The following CCL28 variants were observed in gnomAD, a reference collection of about 807,000 sequenced individuals.
The protein encoded by CCL28 is C-C motif chemokine 28.
In CCL28, 4 loss-of-function variants were observed where a neutral mutation model predicts 7.1. That is an observed-to-expected ratio of 0.56 (90% CI 0.28 to 1.29). CCL28 has a LOEUF of 1.29. Among genes scored for constraint, CCL28 ranks in the 50% most tolerant of loss-of-function variants. The probability of loss-of-function intolerance (pLI) is 0.11; values close to 1 mark genes in which losing one functional copy is unlikely to be tolerated. For synonymous variants in CCL28, 55 were observed against 57.8 expected, an observed-to-expected ratio of 0.95 and a Z score of 0.22; for missense variants, 151 against 163.4, an observed-to-expected ratio of 0.92 and a Z score of 0.41.
intron 1 of CCL28, among the ~76,000 whole-genome samples, chr5:43,408,496 G>A (rs150351806): frequency 1.3e-5 from 2 of 152,298 alleles, no homozygotes; most frequent in African/African-American, 4.8e-5. Flanking sequence ...TCGTAAGGTG[G>A]GGGGAGCGGG....
At chr5:43,398,775 G>A (rs528028143) in intron 1 of CCL28, among the ~76,000 whole-genome samples, 2 of 152,198 alleles carry the variant, frequency 1.3e-5, no homozygotes, top group African/African-American at 2.4e-5. Context: ...GCTTGAACCC[G>A]GGAGGTGGAG....
chr5:43,380,842 A>G lies in CCL28; in HGVS notation c.*1018T>C, dbSNP rs986533125. On this transcript the variant is annotated 3_prime_UTR_variant, in exon 3 of 3. Transcript: ENST00000361115. ...ATTTTAAAAATTAAAAAAAAAAGAC[A>G]GAGGAACTTTCTTAGATTGAAAGAT... The G allele has an allele frequency of 3.9e-5, 6 of 152,100 alleles. No individual in the cohort carries two copies. Among genetic ancestry groups the G allele is most frequent in the African/African-American group, 1.2e-4 (5 of 41,428 alleles). 9.4% of individuals were successfully genotyped at this position (152,100 alleles called of 1,614,324 possible).
chr5:43,364,774 C>T, the CCL28 span, among the ~76,000 whole-genome samples: 1 of 151,984 alleles, frequency 6.6e-6, no homozygotes, highest in Non-Finnish European at 1.5e-5. Context: ...GGATAGTTAG[C>T]TCTTCTTGTT....
At chr5:43,357,154 C>T in the CCL28 span, among the ~76,000 whole-genome samples, 2 of 152,296 alleles carry the variant, frequency 1.3e-5, no homozygotes, top group East Asian at 3.9e-4. Context: ...GTGGAGGATT[C>T]TTATGGCAGT....
At chr5:43,385,192 C>T (rs1471737115) in intron 2 of CCL28, among the ~76,000 whole-genome samples, 1 of 152,206 alleles carries the variant, frequency 6.6e-6, no homozygotes, top group Non-Finnish European at 1.5e-5. Flanking sequence ...CCACCGCGCC[C>T]GGCCATGATA....
intron 2 of CCL28, among the ~76,000 whole-genome samples, chr5:43,383,000 G>A (rs1740184356): frequency 6.6e-6 from 1 of 151,958 alleles, no homozygotes; most frequent in Admixed American, 6.6e-5. Flanking sequence ...TGTATTATTA[G>A]TAGAGATGGG....
Position 43,383,192 on chromosome 5 carries a change from A to G in CCL28, c.192-1140T>C, listed in dbSNP as rs529665710. 3.6e-4 allele frequency among the ~76,000 whole-genome samples: 55 copies of G among 152,334 alleles called. 1 individual carries two copies. Among genetic ancestry groups the G allele is most frequent in the African/African-American group, 1.3e-3 (55 of 41,584 alleles). On this transcript the variant is annotated intron_variant, in intron 2 of 2. Coordinates refer to ENST00000361115, the MANE Select transcript of CCL28 (RefSeq NM_148672.3). Reference sequence around the variant, plus strand: ...ACAGCATGCACAGTTTCTGGTAACTAGAATAATTTTTTTTGTTGAAAAAGA... The same window carrying G: ...ACAGCATGCACAGTTTCTGGTAACTGGAATAATTTTTTTTGTTGAAAAAGA...
intron 1 of CCL28, among the ~76,000 whole-genome samples, chr5:43,407,967 A>G (rs1220583099): frequency 6.6e-6 from 1 of 152,208 alleles, no homozygotes; most frequent in East Asian, 1.9e-4. Flanking sequence ...TTAGAATGGC[A>G]ATCATTCAAA....
chr5:43,398,935 C>T (rs1369620042), intron 1 of CCL28, among the ~76,000 whole-genome samples: 2 of 152,166 alleles, frequency 1.3e-5, no homozygotes, highest in African/African-American at 2.4e-5. Flanking sequence ...TCTGAAAGTG[C>T]CATCCCTAAC....
rs530395507 is a variant in CCL28, at chr5:43,390,695, A to C, written c.65-2219T>G. Among the ~76,000 whole-genome samples, 7 of 152,364 alleles carry C rather than the reference A, an allele frequency of 4.6e-5. No individual in the cohort carries two copies. The East Asian group carries it at 1.3e-3, about 29-fold the overall frequency. On this transcript the variant is annotated intron_variant, in intron 1 of 2. Transcript: ENST00000361115. Reference sequence around the variant, plus strand: ...AAAACTGGGAGTAAGGGTTCTGATTATGCAAGGGATCATCCCTCCTACACT... The same window carrying C: ...AAAACTGGGAGTAAGGGTTCTGATTCTGCAAGGGATCATCCCTCCTACACT...
chr5:43,372,019 G>A (rs537047187), downstream of CCL28, among the ~76,000 whole-genome samples: 42 of 152,286 alleles, frequency 2.8e-4, no homozygotes, highest in African/African-American at 8.9e-4. Flanking sequence ...AGAGAGTGGG[G>A]GAGGTGCCAG....
chr5:43,369,036 A>AAAAGAG, the CCL28 span, among the ~76,000 whole-genome samples: 3 of 104,458 alleles, frequency 2.9e-5, no homozygotes, highest in Non-Finnish European at 5.8e-5. Flanking sequence ...GAAAGAGAGA[A>AAAAGAG]AGAGAGAGAG....
the CCL28 span, among the ~76,000 whole-genome samples, chr5:43,360,716 A>G: frequency 6.6e-6 from 1 of 152,244 alleles, no homozygotes; most frequent in Non-Finnish European, 1.5e-5. Context: ...TATTGGCCAC[A>G]TGTATGTCTT....
chr5:43,373,356 A>C (rs1233021518), downstream of CCL28, among the ~76,000 whole-genome samples: 3 of 152,022 alleles, frequency 2.0e-5, no homozygotes, highest in African/African-American at 7.2e-5. Context: ...GCTGGAGTGC[A>C]GTGGCGTGAT....
chr5:43,392,191 A>G (rs931556830), intron 1 of CCL28, among the ~76,000 whole-genome samples: 2 of 152,106 alleles, frequency 1.3e-5, no homozygotes, highest in Non-Finnish European at 2.9e-5. Context: ...ATCTCGGCTC[A>G]TTGCAACCTC....
At chr5:43,407,175 C>T (rs1012520821) in intron 1 of CCL28, among the ~76,000 whole-genome samples, 10 of 152,128 alleles carry the variant, frequency 6.6e-5, no homozygotes, top group Admixed American at 5.2e-4. Flanking sequence ...AAGGAGCCCA[C>T]GTTGCCAAGA....
Position 43,397,861 on chromosome 5 carries a change from C to CT in CCL28, c.65-9386dup, listed in dbSNP as rs568849476. On this transcript the variant is annotated intron_variant, in intron 1 of 2. Transcript: ENST00000361115. ...TTTGGTTTGTATTCATTTATTCTCT[C>CT]TTTTTTTTGCGTTTTTAAATCCTTT... 3.5e-3 allele frequency among the ~76,000 whole-genome samples: 536 copies of CT among 151,912 alleles called. 5 individuals are homozygous for CT. The highest frequency in any genetic ancestry group is 0.012 in the African/African-American group (499 of 41,434).
downstream of CCL28, among the ~76,000 whole-genome samples, chr5:43,373,179 G>T (rs1739823061): frequency 6.6e-6 from 1 of 151,996 alleles, no homozygotes; most frequent in African/African-American, 2.4e-5. Context: ...GGAATTTCTG[G>T]GTCATAGCAT....
downstream of CCL28, among the ~76,000 whole-genome samples, chr5:43,376,315 G>C (rs548395324): frequency 1.3e-5 from 2 of 152,238 alleles, no homozygotes; most frequent in African/African-American, 4.8e-5. Flanking sequence ...CTCCCCAGGG[G>C]ACATTTGGCA....
Sources: gnomAD v4.1 joint callset for allele counts (sites outside exome capture counted in the v4.1 genomes callset) on GRCh38, gnomAD v4.1.1 for gene constraint, MANE v1.5 for transcripts, NCBI Gene and HGNC (gene_info 2026-07-23, HGNC 2026-07-21) for gene names.